SYNE1: variants seen among roughly 807,000 people sequenced by gnomAD.
SYNE1 encodes spectrin repeat containing nuclear envelope protein 1.
SYNE1 carries 616 observed loss-of-function variants against 1,111.0 expected under a neutral mutation model. That is an observed-to-expected ratio of 0.55 (90% confidence interval 0.52 to 0.59). The LOEUF is 0.59. Ranked by LOEUF, SYNE1 falls within the 20% of genes least tolerant of loss-of-function variation. SYNE1 has a pLI of 0.00. For missense variants in SYNE1, 10,006 were observed against 10,417.0 expected (o/e 0.96, Z 1.72); for synonymous variants, 3,855 against 3,825.8 (o/e 1.01, Z -0.28).
intron 2 of SYNE1, among the ~76,000 whole-genome samples, chr6:152,629,297 C>G (rs1195386926): frequency 2.0e-5 from 3 of 151,818 alleles, no homozygotes; most frequent in African/African-American, 7.3e-5. Context: ...CTCCACTTCC[C>G]GGGTTCAAGC....
chr6:152,447,448 A>T lies in SYNE1; in HGVS notation c.3669+10T>A, dbSNP rs187598275. On this transcript the variant is annotated intron_variant, in intron 29 of 145. Transcript: ENST00000367255. ...GAACTGTCTGTTTAGAGTGTGAGTA[A>T]ATGCTGTACCTCTGACAGCAGCGTC... 6.2e-7 allele frequency: 1 copy of T among 1,614,076 alleles called. No individual in the cohort carries two copies. The highest frequency in any genetic ancestry group is 1.7e-5 in the Admixed American group (1 of 60,006).
intron 10 of SYNE1, among the ~76,000 whole-genome samples, chr6:152,499,464 T>C (rs970434144): frequency 3.9e-5 from 6 of 152,022 alleles, no homozygotes; most frequent in Non-Finnish European, 7.4e-5. Context: ...AAAGGGGATA[T>C]ATAAATCAAA....
intron 64 of SYNE1, 59 bp downstream of exon 64, chr6:152,362,111 C>T: frequency 6.2e-7 from 1 of 1,613,510 alleles, no homozygotes; most frequent in Non-Finnish European, 8.5e-7. Flanking sequence ...TTTTGTCTGA[C>T]TGTGGCATTC....
In SYNE1 at chr6:152,148,975, T is replaced by C. The variant is rs932921111; in HGVS notation, c.24642+502A>G. Among the ~76,000 whole-genome samples, 2 of 152,148 alleles carry C rather than the reference T, an allele frequency of 1.3e-5. No homozygotes were observed. The highest frequency in any genetic ancestry group is 4.8e-5 in the African/African-American group (2 of 41,430). ...TCTAATAACATCTCTATAAGTAAGA[T>C]GTGATTATGGTAGCAATTAGGAAAA... On this transcript the variant is annotated intron_variant, in intron 136 of 145. Coordinates refer to ENST00000367255, the MANE Select transcript of SYNE1 (RefSeq NM_182961.4). The surrounding 1 kb of genome is among the most constrained non-coding windows in gnomAD (Gnocchi z 4.1).
At chr6:152,540,789 A>G (rs937611603) in intron 3 of SYNE1, among the ~76,000 whole-genome samples, 1 of 152,226 alleles carries the variant, frequency 6.6e-6, no homozygotes, top group Non-Finnish European at 1.5e-5. Flanking sequence ...GCAAGGAACT[A>G]GAGGCTCCCT....
intron 2 of SYNE1, among the ~76,000 whole-genome samples, chr6:152,633,615 G>A (rs2099701587): frequency 6.7e-6 from 1 of 149,470 alleles, no homozygotes. Flanking sequence ...TGCTATTTGG[G>A]ATGCTCCCAG....
intron 8 of SYNE1, among the ~76,000 whole-genome samples, chr6:152,509,552 T>A (rs2099074868): frequency 1.3e-5 from 2 of 152,274 alleles, no homozygotes; most frequent in Admixed American, 1.3e-4. Context: ...TCACTGCGTC[T>A]GGCTGAGAGC....
chr6:152,530,418 T>C (rs192524587), intron 4 of SYNE1, among the ~76,000 whole-genome samples: 32 of 152,060 alleles, frequency 2.1e-4, no homozygotes, highest in Admixed American at 5.9e-4. Context: ...CAAAAGTAAA[T>C]TTGTTCTGTA....
rs796260764 is a variant in SYNE1, at chr6:152,179,673, C to CTTTTTTTTTTTTTTTT, written c.23460+447_23460+462dup. 2.4e-4 allele frequency among the ~76,000 whole-genome samples: 13 copies of CTTTTTTTTTTTTTTTT among 55,106 alleles called. 2 individuals carry two copies. Among genetic ancestry groups the CTTTTTTTTTTTTTTTT allele is most frequent in the African/African-American group, 7.8e-4 (10 of 12,814 alleles). The allele number at this position is 55,106 out of a possible 152,430, so 36.2% of individuals were successfully genotyped here. On this transcript the variant is annotated intron_variant, in intron 129 of 145. Transcript: ENST00000367255. ...GCAAGTTTATTTTATGCTGGATATC[C>CTTTTTTTTTTTTTTTT]TTTTTTTTTTTTTTTTTTTTTTTTT...
intron 3 of SYNE1, among the ~76,000 whole-genome samples, chr6:152,590,224 C>T (rs2099555026): frequency 6.6e-6 from 1 of 151,274 alleles, no homozygotes; most frequent in African/African-American, 2.4e-5. Context: ...GCTACTGTGC[C>T]CAGCTAAAAA....
Position 152,322,475 on chromosome 6 carries a change from C to T in SYNE1, c.15918-589G>A, listed in dbSNP as rs576303213. Among the ~76,000 whole-genome samples, 8 of 152,148 alleles carry T rather than the reference C, an allele frequency of 5.3e-5. No individual in the cohort carries two copies. The South Asian group carries it at 1.7e-3, about 32-fold the overall frequency. Reference sequence around the variant, plus strand: ...AAATTATCAATGAATATTTTTTTCTCTGGCCCAAGAAGTGAGTCAGGGCTG... The same window carrying T: ...AAATTATCAATGAATATTTTTTTCTTTGGCCCAAGAAGTGAGTCAGGGCTG... On this transcript the variant is annotated intron_variant, in intron 82 of 145. Coordinates refer to ENST00000367255, the MANE Select transcript of SYNE1 (RefSeq NM_182961.4).
chr6:152,520,359 A>G (rs1489606413), intron 6 of SYNE1, 100 bp downstream of exon 6: 37 of 1,103,964 alleles, frequency 3.4e-5, no homozygotes, highest in Non-Finnish European at 3.9e-5. Flanking sequence ...TATAGATTAC[A>G]TGCCATCCTC....
chr6:152,404,038 T>C (rs1473998343), intron 46 of SYNE1, among the ~76,000 whole-genome samples, 175 bp downstream of exon 46: 7 of 150,872 alleles, frequency 4.6e-5, no homozygotes, highest in Non-Finnish European at 1.5e-5. Context: ...ATATATGAGA[T>C]ACATATATAG....
intron 80 of SYNE1, 111 bp from the exon 81 acceptor site, chr6:152,325,413 T>A: frequency 2.0e-6 from 2 of 1,011,972 alleles, no homozygotes; most frequent in Non-Finnish European, 3.1e-6. Context: ...AAGGAAATGT[T>A]TCTACATACG....
chr6:152,565,802 C>T (rs2099411627), intron 3 of SYNE1, among the ~76,000 whole-genome samples: 1 of 152,124 alleles, frequency 6.6e-6, no homozygotes, highest in Non-Finnish European at 1.5e-5. Flanking sequence ...AGCCTTATTT[C>T]CATTTGGAAA....
chr6:152,225,146 G>A (rs1337495491), intron 116 of SYNE1, among the ~76,000 whole-genome samples: 3 of 151,658 alleles, frequency 2.0e-5, no homozygotes, highest in South Asian at 2.1e-4. Context: ...GAGACACTAA[G>A]AGGTAATGAA....
chr6:152,462,008 A>C (rs1280068187), intron 20 of SYNE1, among the ~76,000 whole-genome samples: 1 of 152,114 alleles, frequency 6.6e-6, no homozygotes, highest in Non-Finnish European at 1.5e-5. Context: ...ATCCCATGTT[A>C]ATGTAGTATG....
At chr6:152,463,637 A>C in intron 18 of SYNE1, 120 bp from the exon 19 acceptor site, 1 of 886,696 alleles carries the variant, frequency 1.1e-6, no homozygotes, top group South Asian at 1.5e-5. Flanking sequence ...TTTAAGATAA[A>C]TCACAAATCT....
At chr6:152,529,794 CA>C (rs2154357211) in intron 4 of SYNE1, among the ~76,000 whole-genome samples, 1 of 151,692 alleles carries the variant, frequency 6.6e-6, no homozygotes, top group African/African-American at 2.4e-5. Flanking sequence ...GAAGTGTTCC[CA>C]ACCAGGGAAG....
Sources: allele counts gnomAD v4.1 joint callset (sites outside exome capture counted in the v4.1 genomes callset), GRCh38; gene constraint gnomAD v4.1.1; non-coding constraint Gnocchi (gnomAD v3.1); transcripts MANE v1.5; gene names NCBI Gene and HGNC (gene_info 2026-07-23, HGNC 2026-07-21).